WDR25: variants seen among roughly 807,000 people sequenced by gnomAD.
WDR25 encodes the protein WD repeat-containing protein 25.
In WDR25, 35 loss-of-function variants were observed where a neutral mutation model predicts 47.7. The observed-to-expected ratio is 0.73, with a 90% confidence interval of 0.56 to 0.97. WDR25 has a LOEUF of 0.97. Among genes scored for constraint, WDR25 ranks in the 50% least tolerant of loss-of-function variants. The pLI is 0.00. For synonymous variants in WDR25, 248 were observed against 278.9 expected, an observed-to-expected ratio of 0.89 and a Z score of 1.10; for missense variants, 634 against 704.7, an observed-to-expected ratio of 0.90 and a Z score of 1.14.
At chr14:100,419,380 A>G (rs1213245086) in intron 2 of WDR25, among the ~76,000 whole-genome samples, 1 of 152,092 alleles carries the variant, frequency 6.6e-6, no homozygotes, top group Non-Finnish European at 1.5e-5. Flanking sequence ...AACAGTGTTT[A>G]GAATTGTTGA....
In WDR25 at chr14:100,525,589, T is replaced by C. The variant is rs531475867; in HGVS notation, c.1102-281T>C. ...AGTCAAGGCCCTTCCCTTTGCGCTTTCCCTGGGATCCTGCTGCTCTCAAGG... is the reference window on the plus strand; with the variant it reads ...AGTCAAGGCCCTTCCCTTTGCGCTTCCCCTGGGATCCTGCTGCTCTCAAGG... On this transcript the variant is annotated intron_variant, in intron 4 of 6. Coordinates refer to ENST00000402312, the MANE Select transcript of WDR25 (RefSeq NM_001161476.3). This position sits in a 1 kb window ranked among gnomAD's most constrained non-coding sequence, Gnocchi z 4.6. Among the ~76,000 whole-genome samples the C allele has an allele frequency of 2.5e-4, 38 of 152,152 alleles. No homozygotes were observed. Among genetic ancestry groups the C allele is most frequent in the Non-Finnish European group, 4.9e-4 (33 of 68,026 alleles).
chr14:100,422,621 C>CT (rs1319100114), intron 2 of WDR25, among the ~76,000 whole-genome samples: 3 of 152,358 alleles, frequency 2.0e-5, no homozygotes, highest in African/African-American at 7.2e-5. Flanking sequence ...TGATGGCCCT[C>CT]TTTGACGCGA....
At chr14:100,470,867 A>G (rs537918323) in intron 3 of WDR25, among the ~76,000 whole-genome samples, 141 of 152,280 alleles carry the variant, frequency 9.3e-4, no homozygotes, top group African/African-American at 3.2e-3. Flanking sequence ...GGGCATTACC[A>G]TCCAGTGGGG....
chr14:100,414,291 C>T (rs1173067765), intron 2 of WDR25, among the ~76,000 whole-genome samples: 9 of 150,054 alleles, frequency 6.0e-5, no homozygotes, highest in Non-Finnish European at 7.4e-5. Context: ...CATGAGCCAC[C>T]GCGCCCAGCC....
intron 4 of WDR25, among the ~76,000 whole-genome samples, chr14:100,496,524 A>G (rs1053123463): frequency 2.0e-5 from 3 of 151,990 alleles, no homozygotes; most frequent in African/African-American, 7.2e-5. Flanking sequence ...CTTTGGATTT[A>G]ATTTGCCCTT....
chr14:100,451,772 T>C (rs1359701928), intron 2 of WDR25, among the ~76,000 whole-genome samples: 1 of 152,238 alleles, frequency 6.6e-6, no homozygotes, highest in Non-Finnish European at 1.5e-5. Flanking sequence ...GGATGACCTA[T>C]GGCTTGTTGA....
intron 2 of WDR25, among the ~76,000 whole-genome samples, chr14:100,382,445 G>A (rs1361117205): frequency 1.3e-5 from 2 of 152,212 alleles, no homozygotes; most frequent in Non-Finnish European, 2.9e-5. Context: ...GCATGTGTGG[G>A]TGAGGGACTT....
chr14:100,464,356 T>C (rs1453658073), intron 2 of WDR25, among the ~76,000 whole-genome samples: 1 of 152,182 alleles, frequency 6.6e-6, no homozygotes, highest in Non-Finnish European at 1.5e-5. Context: ...CCTTTCCTGG[T>C]TACTTTTTAA....
At chr14:100,411,104 G>T (rs1007319653) in intron 2 of WDR25, among the ~76,000 whole-genome samples, 31 of 152,078 alleles carry the variant, frequency 2.0e-4, no homozygotes. Flanking sequence ...TTGATACTTT[G>T]TCCAGAACAT....
intron 4 of WDR25, among the ~76,000 whole-genome samples, chr14:100,490,202 A>T (rs758917903): frequency 6.6e-6 from 1 of 152,162 alleles, no homozygotes; most frequent in Non-Finnish European, 1.5e-5. Context: ...GCATTCTGGT[A>T]GCATGTGGAC....
intron 2 of WDR25, among the ~76,000 whole-genome samples, chr14:100,444,450 C>T (rs564394587): frequency 5.9e-5 from 9 of 152,304 alleles, no homozygotes; most frequent in African/African-American, 1.9e-4. Flanking sequence ...TATGGGGCCC[C>T]GTCAGGCCTG....
At chr14:100,474,477 G>T (rs56081727) in intron 3 of WDR25, among the ~76,000 whole-genome samples, 11,534 of 152,240 alleles carry the variant, frequency 0.076, 1,456 homozygotes, top group African/African-American at 0.26. Flanking sequence ...TGGCGTGTGT[G>T]TGTTTGGTTG....
intron 2 of WDR25, among the ~76,000 whole-genome samples, chr14:100,427,522 G>A (rs1566905316): frequency 6.6e-6 from 1 of 152,214 alleles, no homozygotes; most frequent in Non-Finnish European, 1.5e-5. Context: ...TGAGGCAAGA[G>A]TCCTGGTGCC....
In WDR25 at chr14:100,425,620, G is replaced by C. The variant is rs1294884390; in HGVS notation, c.823-42401G>C. On this transcript the variant is annotated intron_variant, in intron 2 of 6. Coordinates refer to ENST00000402312, the MANE Select transcript of WDR25 (RefSeq NM_001161476.3). The surrounding 1 kb of genome is among the most constrained non-coding windows in gnomAD (Gnocchi z 4.8). Reference sequence around the variant, plus strand: ...GGCAGCACCGTCGGACGCTGATGGTGGGGGCTGGGCCCTGTGCTGACACAG... The same window carrying C: ...GGCAGCACCGTCGGACGCTGATGGTCGGGGCTGGGCCCTGTGCTGACACAG... Among the ~76,000 whole-genome samples, 1 of 152,214 alleles carries C rather than the reference G, an allele frequency of 6.6e-6. No homozygotes were observed. Among genetic ancestry groups the C allele is most frequent in the Non-Finnish European group, 1.5e-5 (1 of 68,044 alleles).
At chr14:100,436,082 G>GT (rs1898491804) in intron 2 of WDR25, among the ~76,000 whole-genome samples, 1 of 152,248 alleles carries the variant, frequency 6.6e-6, no homozygotes, top group Non-Finnish European at 1.5e-5. Flanking sequence ...GCTGAGGCCA[G>GT]ATTCAGGTGT....
At chr14:100,454,775 A>G (rs751509192) in intron 2 of WDR25, 71 of 291,680 alleles carry the variant, frequency 2.4e-4, no homozygotes, top group Admixed American at 4.8e-4. Flanking sequence ...CAGCAGCTGG[A>G]AAGTGGCTAT....
In WDR25 at chr14:100,488,375, G is replaced by T. The variant is rs1900452731; in HGVS notation, c.1101+4251G>T. 6.6e-6 allele frequency among the ~76,000 whole-genome samples: 1 copy of T among 152,100 alleles called. No individual in the cohort carries two copies. Among genetic ancestry groups the T allele is most frequent in the African/African-American group, 2.4e-5 (1 of 41,398 alleles). Reference sequence around the variant, plus strand: ...GTCTGACCTTTATAGTATTGTGAGGGTCAATTTCTGCAGAAGCCCCTGAGC... The same window carrying T: ...GTCTGACCTTTATAGTATTGTGAGGTTCAATTTCTGCAGAAGCCCCTGAGC... On this transcript the variant is annotated intron_variant, in intron 4 of 6. Transcript: ENST00000402312. This position sits in a 1 kb window ranked among gnomAD's most constrained non-coding sequence, Gnocchi z 4.2.
intron 2 of WDR25, among the ~76,000 whole-genome samples, chr14:100,432,095 T>G (rs1255653632): frequency 6.6e-6 from 1 of 152,244 alleles, no homozygotes; most frequent in African/African-American, 2.4e-5. Context: ...TGTGTTACAC[T>G]TGTACATCCC....
intron 2 of WDR25, among the ~76,000 whole-genome samples, chr14:100,461,639 A>T (rs1899415932): frequency 1.3e-5 from 2 of 152,232 alleles, no homozygotes; most frequent in South Asian, 4.1e-4. Context: ...AAATGGGCTG[A>T]TCCCATCCGT....
Sources: gnomAD v4.1 joint callset for allele counts (sites outside exome capture counted in the v4.1 genomes callset) on GRCh38, gnomAD v4.1.1 for gene constraint, Gnocchi (gnomAD v3.1) non-coding constraint, MANE v1.5 for transcripts, NCBI Gene and HGNC (gene_info 2026-07-23, HGNC 2026-07-21) for gene names.